Variants in MGAT4D observed in about 807,000 individuals in gnomAD.
MGAT4D encodes the protein alpha-1,3-mannosyl-glycoprotein 4-beta-N-acetylglucosaminyltransferase-like protein MGAT4D.
MGAT4D carries 34 observed loss-of-function variants against 15.9 expected under a neutral mutation model. The observed-to-expected ratio is 2.14, with a 90% CI of 1.62 to 2.84. The LOEUF is 2.84. Ranked by LOEUF, MGAT4D falls within the 30% of genes most tolerant of loss-of-function variation. The pLI is 0.00. For synonymous variants in MGAT4D, 112 were observed against 48.2 expected, an observed-to-expected ratio of 2.33 and a Z score of -5.49; for missense variants, 327 against 140.2, an observed-to-expected ratio of 2.33 and a Z score of -6.73.
rs369793460 is a variant in MGAT4D at position 140,485,415 on chromosome 4, G to A, written c.95-2930C>T. ...GGGGACTGTTGTGGGGTGGGGGTAGGGGGTAGGGATAGCATTAGGAGATAT... is the reference window on the plus strand; with the variant it reads ...GGGGACTGTTGTGGGGTGGGGGTAGAGGGTAGGGATAGCATTAGGAGATAT... On this transcript the variant is annotated intron_variant, in intron 1 of 10. Coordinates refer to ENST00000511113, the MANE Select transcript of MGAT4D (RefSeq NM_001277353.2). Among the ~76,000 whole-genome samples, 15 of 152,050 alleles carry A rather than the reference G, an allele frequency of 9.9e-5. No homozygotes were observed. The East Asian group carries it at 1.9e-3, about 20-fold the overall frequency.
At chr4:140,479,334 A>G (rs574470320) in intron 3 of MGAT4D, among the ~76,000 whole-genome samples, 156 bp downstream of exon 3, 61 of 152,352 alleles carry the variant, frequency 4.0e-4, no homozygotes, top group African/African-American at 1.4e-3. Context: ...TTTCTGCCAG[A>G]CAATATACTG....
At chr4:140,453,763 T>C (rs1489092205) in intron 9 of MGAT4D, among the ~76,000 whole-genome samples, 1 of 152,134 alleles carries the variant, frequency 6.6e-6, no homozygotes, top group Non-Finnish European at 1.5e-5. Context: ...CCTTGCCTCC[T>C]CTTCACCTTC....
intron 5 of MGAT4D, among the ~76,000 whole-genome samples, chr4:140,470,755 T>C (rs2126775323): frequency 6.6e-6 from 1 of 152,338 alleles, no homozygotes; most frequent in South Asian, 2.1e-4. Context: ...GCTCAATTAT[T>C]ACCTTCTCAG....
chr4:140,497,985 C>T (rs1165968261), intron 1 of MGAT4D, 144 bp downstream of exon 1: 5 of 519,498 alleles, frequency 9.6e-6, no homozygotes, highest in East Asian at 7.1e-5. Context: ...AAGGCACCGA[C>T]GCGGGCCTCC....
At chr4:140,476,868 C>T (rs1238673021) in intron 3 of MGAT4D, among the ~76,000 whole-genome samples, 3 of 152,132 alleles carry the variant, frequency 2.0e-5, no homozygotes, top group Non-Finnish European at 2.9e-5. Context: ...GTACTCATCA[C>T]TCCTTTTGTT....
chr4:140,468,431 C>A (rs1392295913), intron 5 of MGAT4D, among the ~76,000 whole-genome samples: 1 of 152,078 alleles, frequency 6.6e-6, no homozygotes, highest in African/African-American at 2.4e-5. Context: ...TTTAAGTGAT[C>A]TTCAAAAGGC....
chr4:140,495,142 G>T (rs947849963), intron 1 of MGAT4D, among the ~76,000 whole-genome samples: 1 of 152,168 alleles, frequency 6.6e-6, no homozygotes, highest in South Asian at 2.1e-4. Context: ...GCTGTTTCTC[G>T]AACAAATCAA....
chr4:140,488,582 A>G (rs1165148085), intron 1 of MGAT4D, among the ~76,000 whole-genome samples: 1 of 152,218 alleles, frequency 6.6e-6, no homozygotes, highest in Non-Finnish European at 1.5e-5. Flanking sequence ...AAGAAGGAAG[A>G]CTTGTGAACT....
At chr4:140,467,208 G>A (rs768276750) in intron 5 of MGAT4D, among the ~76,000 whole-genome samples, 3 of 151,748 alleles carry the variant, frequency 2.0e-5, no homozygotes, top group Admixed American at 2.0e-4. Context: ...TTTAAAAAAC[G>A]AATTCTAATA....
intron 6 of MGAT4D, 101 bp downstream of exon 6, chr4:140,464,795 G>T: frequency 1.6e-6 from 1 of 641,846 alleles, no homozygotes; most frequent in South Asian, 1.8e-5. Flanking sequence ...GCCAGCTCCA[G>T]AACACCACTG....
intron 1 of MGAT4D, among the ~76,000 whole-genome samples, chr4:140,494,575 C>T (rs867441433): frequency 6.6e-5 from 10 of 152,210 alleles, no homozygotes; most frequent in Non-Finnish European, 1.0e-4. Context: ...CTATTCAACA[C>T]TTTCACTGGG....
intron 1 of MGAT4D, among the ~76,000 whole-genome samples, chr4:140,488,844 G>A (rs1336785127): frequency 6.6e-6 from 1 of 152,040 alleles, no homozygotes; most frequent in Non-Finnish European, 1.5e-5. Context: ...TTAAGTGTGT[G>A]GCACCTCCCT....
chr4:140,482,176 A>G, intron 2 of MGAT4D, 151 bp downstream of exon 2: 1 of 460,810 alleles, frequency 2.2e-6, no homozygotes, highest in Non-Finnish European at 3.8e-6. Context: ...GAAGTAGGTC[A>G]GTGATATCTC....
At chr4:140,445,921 C>CGAT (rs1312967405) in intron 10 of MGAT4D, among the ~76,000 whole-genome samples, 1 of 151,788 alleles carries the variant, frequency 6.6e-6, no homozygotes, top group African/African-American at 2.4e-5. Flanking sequence ...CATTGAAAGC[C>CGAT]TATCATGTGG....
At chr4:140,488,656 C>T (rs898063585) in intron 1 of MGAT4D, among the ~76,000 whole-genome samples, 6 of 152,178 alleles carry the variant, frequency 3.9e-5, no homozygotes, top group Admixed American at 3.9e-4. Context: ...CAGAAAACAA[C>T]ACCATAAGTG....
At chr4:140,489,660 G>A (rs1733378945) in intron 1 of MGAT4D, among the ~76,000 whole-genome samples, 1 of 152,120 alleles carries the variant, frequency 6.6e-6, no homozygotes, top group Non-Finnish European at 1.5e-5. Flanking sequence ...ATGCTTTTGA[G>A]ATTTATTTAT....
At chr4:140,443,711 A>C (rs1184203032) in intron 10 of MGAT4D, among the ~76,000 whole-genome samples, 1 of 152,102 alleles carries the variant, frequency 6.6e-6, no homozygotes, top group Non-Finnish European at 1.5e-5. Context: ...GGAAATCTTT[A>C]TAGTCAGATT....
intron 8 of MGAT4D, chr4:140,457,125 A>C (rs1054417239): frequency 4.6e-5 from 7 of 152,030 alleles, no homozygotes; most frequent in African/African-American, 1.7e-4. Context: ...CGTTGTTAGT[A>C]CTTAATTTTA....
chr4:140,493,361 T>C (rs180979807), intron 1 of MGAT4D, among the ~76,000 whole-genome samples: 1 of 149,864 alleles, frequency 6.7e-6, no homozygotes, highest in African/African-American at 2.5e-5. Flanking sequence ...AGTGGTGCGA[T>C]CTCGGCTTAC....
Sources: gnomAD v4.1 joint callset for allele counts (sites outside exome capture counted in the v4.1 genomes callset) on GRCh38, gnomAD v4.1.1 for gene constraint, MANE v1.5 for transcripts, NCBI Gene and HGNC (gene_info 2026-07-23, HGNC 2026-07-21) for gene names.